The following XCR1 variants were observed in gnomAD, a reference collection of about 807,000 sequenced individuals.
The protein encoded by XCR1 is chemokine XC receptor 1.
For synonymous variants in XCR1, 187 were observed against 188.5 expected (o/e 0.99, Z 0.06); for missense variants, 356 against 424.2 (o/e 0.84, Z 1.41).
intron 5 of XCR1, among the ~76,000 whole-genome samples, chr3:46,043,114 TTAAA>T: frequency 6.6e-6 from 1 of 152,170 alleles, no homozygotes; most frequent in African/African-American, 2.4e-5. Context: ...CTTGACAAAA[TTAAA>T]TACCCTTTCA....
At chr3:46,070,049 G>GA (rs1698140447) in intron 3 of XCR1, among the ~76,000 whole-genome samples, 1 of 151,828 alleles carries the variant, frequency 6.6e-6, no homozygotes, top group South Asian at 2.1e-4. Context: ...ATTGACCCAA[G>GA]ATTATTCAGG....
intron 5 of XCR1, among the ~76,000 whole-genome samples, chr3:46,041,283 A>G (rs1370581489): frequency 3.3e-5 from 5 of 152,140 alleles, no homozygotes; most frequent in Non-Finnish European, 7.4e-5. Context: ...GCCTTGCGAG[A>G]GGTTCCAGCA....
chr3:46,050,171 G>T (rs959773226), intron 5 of XCR1, among the ~76,000 whole-genome samples: 1 of 152,180 alleles, frequency 6.6e-6, no homozygotes, highest in African/African-American at 2.4e-5. Flanking sequence ...TAGCGGTGAG[G>T]CATGTCTCTG....
intron 2 of XCR1, among the ~76,000 whole-genome samples, chr3:46,076,028 ATG>A (rs1234371093): frequency 6.6e-6 from 1 of 152,152 alleles, no homozygotes; most frequent in African/African-American, 2.4e-5. Context: ...CACGCACCAT[ATG>A]TGTTAGTCAG....
At chr3:46,037,495 A>G (rs1450290976) in intron 5 of XCR1, among the ~76,000 whole-genome samples, 1 of 152,174 alleles carries the variant, frequency 6.6e-6, no homozygotes, top group Non-Finnish European at 1.5e-5. Flanking sequence ...TAAAATGACT[A>G]GTTATTTAAA....
intron 4 of XCR1, among the ~76,000 whole-genome samples, chr3:46,056,312 G>A (rs931721451): frequency 1.3e-5 from 2 of 152,020 alleles, no homozygotes; most frequent in Admixed American, 1.3e-4. Flanking sequence ...CTAAGTGTTG[G>A]GATTACAGGC....
chr3:46,074,434 T>A (rs1442403743), intron 3 of XCR1, among the ~76,000 whole-genome samples: 3 of 151,936 alleles, frequency 2.0e-5, no homozygotes, highest in Non-Finnish European at 4.4e-5. Flanking sequence ...GGACATAGAA[T>A]GTGGAGTAAT....
At chr3:46,084,056 T>C (rs1459291925) in intron 1 of XCR1, among the ~76,000 whole-genome samples, 1 of 152,254 alleles carries the variant, frequency 6.6e-6, no homozygotes, top group Non-Finnish European at 1.5e-5. Flanking sequence ...AATCATGGTA[T>C]TCCAGAGACT....
In XCR1 at chr3:46,046,012, G is replaced by A. The variant is rs189543018; in HGVS notation, c.-32+7908C>T. The stretch of plus-strand genomic sequence containing the variant: ...TGGATAAAGAAAATGTAGTATATAA[G>A]CACAATGGAATACCATTCAGCTGTT... On this transcript the variant is annotated intron_variant, in intron 5 of 5. Coordinates refer to the XCR1 transcript ENST00000683768. Among the ~76,000 whole-genome samples, 5 of 152,292 alleles carry A rather than the reference G, an allele frequency of 3.3e-5. No homozygotes were observed. In the East Asian group the frequency reaches 9.6e-4, roughly 29 times the overall value.
At chr3:46,023,036 C>T (rs1349256967) in intron 1 of XCR1, among the ~76,000 whole-genome samples, 1 of 152,182 alleles carries the variant, frequency 6.6e-6, no homozygotes, top group Non-Finnish European at 1.5e-5. Context: ...AAAGGAATTA[C>T]AAATCAATAA....
chr3:46,041,230 A>AGTT (rs1422632833), intron 5 of XCR1, among the ~76,000 whole-genome samples: 1 of 152,186 alleles, frequency 6.6e-6, no homozygotes, highest in Admixed American at 6.5e-5. Context: ...AATGGGACAC[A>AGTT]GTTGGAGGAA....
intron 5 of XCR1, among the ~76,000 whole-genome samples, chr3:46,043,760 A>ACT (rs1697577314): frequency 6.9e-6 from 1 of 145,814 alleles, no homozygotes; most frequent in African/African-American, 2.6e-5. Flanking sequence ...ACACACACAC[A>ACT]CAAGAATGCC....
intron 5 of XCR1, among the ~76,000 whole-genome samples, chr3:46,043,978 T>C (rs1021422588): frequency 2.0e-5 from 3 of 151,784 alleles, no homozygotes; most frequent in East Asian, 1.9e-4. Flanking sequence ...TGGTACCCCA[T>C]TGTGGTTTTT....
At position 46,057,891 on chromosome 3, in the gene XCR1, T is replaced by TCTGC. The variant is rs1697881166; in HGVS notation, c.-182-3822_-182-3821insGCAG. On this transcript the variant is annotated intron_variant, in intron 4 of 5. Transcript: ENST00000683768. ...ATCATCTTATCTGTCTGTCTATCTA[T>TCTGC]CTATCTATCTATCTATCTATCTATC... 2.6e-5 allele frequency among the ~76,000 whole-genome samples: 3 copies of TCTGC among 114,548 alleles called. No homozygotes were observed. In the East Asian group the frequency reaches 6.9e-4, roughly 26 times the overall value. 75.1% of individuals were successfully genotyped at this position (114,548 alleles called of 152,430 possible).
At position 46,048,804 on chromosome 3, in the gene XCR1, TA is replaced by T. The variant is rs1377210709; in HGVS notation, c.-32+5115del. ...ATACCAGGAGTCAAAAAATTTAAAGTAAATAAGGCTAAATATAGTTTTGATT... is the reference window on the plus strand; with the variant it reads ...ATACCAGGAGTCAAAAAATTTAAAGTAATAAGGCTAAATATAGTTTTGATT... On this transcript the variant is annotated intron_variant, in intron 5 of 5. Coordinates refer to the XCR1 transcript ENST00000683768. Among the ~76,000 whole-genome samples the T allele has an allele frequency of 3.9e-5, 6 of 152,284 alleles. No individual in the cohort carries two copies. In the East Asian group the frequency reaches 9.6e-4, roughly 24 times the overall value.
rs112586766 is a variant in XCR1, at chr3:46,043,087, T to C, written c.-32+10833A>G. 1.7e-3 allele frequency among the ~76,000 whole-genome samples: 258 copies of C among 152,324 alleles called. 2 individuals carry two copies. Among genetic ancestry groups the C allele is most frequent in the Middle Eastern group, 6.8e-3 (2 of 294 alleles). On this transcript the variant is annotated intron_variant, in intron 5 of 5. Transcript: ENST00000683768. ...GGATAAAATCATGTGATCATCTCAA[T>C]TGATGCACAGAAAGCACTTGACAAA...
chr3:46,064,682 C>CCA (rs1698028231), intron 4 of XCR1, among the ~76,000 whole-genome samples: 2 of 152,220 alleles, frequency 1.3e-5, no homozygotes. Flanking sequence ...GCTGGTGAGG[C>CCA]CACATGCAGG....
intron 4 of XCR1, among the ~76,000 whole-genome samples, chr3:46,066,217 C>CCTCCCTCCCT (rs1553634870): frequency 1.4e-4 from 21 of 150,198 alleles, no homozygotes; most frequent in African/African-American, 5.0e-4. Context: ...TCCCTCCCTC[C>CCTCCCTCCCT]CTCGCTCTCT....
intron 3 of XCR1, among the ~76,000 whole-genome samples, chr3:46,074,449 A>G (rs142835225): frequency 0.01 from 1,596 of 152,138 alleles, 30 homozygotes; most frequent in African/African-American, 0.035. Context: ...AGTAATACAC[A>G]CTGGAGACTC....
Sources: allele counts gnomAD v4.1 joint callset (sites outside exome capture counted in the v4.1 genomes callset), GRCh38; gene constraint gnomAD v4.1.1; transcripts MANE v1.5; gene names NCBI Gene and HGNC (gene_info 2026-07-23, HGNC 2026-07-21).